STK40: variants seen among roughly 807,000 people sequenced by gnomAD.
STK40 encodes the protein serine/threonine-protein kinase 40.
In STK40, 13 loss-of-function variants were observed where a neutral mutation model predicts 47.9. That is an observed-to-expected ratio of 0.27 (90% confidence interval 0.18 to 0.43). The LOEUF (loss-of-function observed/expected upper bound fraction) is 0.43. STK40 is among the 20% of genes least tolerant of loss of function. The pLI is 1.00. For missense variants in STK40, 460 were observed against 595.1 expected (o/e 0.77, Z 2.36); for synonymous variants, 225 against 243.2 (o/e 0.93, Z 0.69).
At chr1:36,347,208 C>A (rs552942687) in intron 7 of STK40, among the ~76,000 whole-genome samples, 16 of 152,114 alleles carry the variant, frequency 1.1e-4, no homozygotes, top group African/African-American at 3.6e-4. Flanking sequence ...AGAGCTGGGA[C>A]GAGGCTGGCT....
intron 1 of STK40, among the ~76,000 whole-genome samples, chr1:36,377,532 CAAAAAAAAAAA>C (rs746089027): frequency 5.6e-5 from 2 of 35,502 alleles, no homozygotes; most frequent in African/African-American, 8.1e-5. Flanking sequence ...GACTCCGTCT[CAAAAAAAAAAA>C]AAAAAAAAAA....
At position 36,341,343 on chromosome 1, in the gene STK40, T is replaced by A; in HGVS notation, c.*412A>T. ...AGGAGGGGAAGCTCGCTCTGGGGCCTGCAGCGAGCTGCACTTTCAGCTTAT... is the reference window on the plus strand; with the variant it reads ...AGGAGGGGAAGCTCGCTCTGGGGCCAGCAGCGAGCTGCACTTTCAGCTTAT... On this transcript the variant is annotated 3_prime_UTR_variant, in exon 11 of 11. Coordinates refer to ENST00000373132, the MANE Select transcript of STK40 (RefSeq NM_001282547.2). The A allele has an allele frequency of 5.8e-6, 1 of 172,950 alleles. No individual in the cohort carries two copies. Among genetic ancestry groups the A allele is most frequent in the Non-Finnish European group, 1.3e-5 (1 of 79,700 alleles). 10.7% of individuals were successfully genotyped at this position (172,950 alleles called of 1,614,324 possible).
rs1157090486 is a variant in STK40 at position 36,341,651 on chromosome 1, G to A, written c.*104C>T. ...TCCCTGTCCCTGCCCTGTCCCTATT[G>A]TGGCCCGGGAGAGTCCAGCACTACA... On this transcript the variant is annotated 3_prime_UTR_variant, in exon 11 of 11. Transcript: ENST00000373132. 2 of 1,405,224 alleles carry A rather than the reference G, an allele frequency of 1.4e-6. No individual in the cohort carries two copies. Among genetic ancestry groups the A allele is most frequent in the Admixed American group, 1.9e-5 (1 of 51,950 alleles). The allele number at this position is 1,405,224 out of a possible 1,614,324, so 87.0% of individuals were successfully genotyped here.
chr1:36,371,916 T>C (rs1646951848), intron 1 of STK40, among the ~76,000 whole-genome samples: 1 of 148,322 alleles, frequency 6.7e-6, no homozygotes, highest in Non-Finnish European at 1.5e-5. Context: ...GAGAATTGCT[T>C]GAACCTGGAG....
chr1:36,359,577 C>T (rs114786246), intron 2 of STK40, among the ~76,000 whole-genome samples: 1,753 of 152,348 alleles, frequency 0.012, 33 homozygotes, highest in African/African-American at 0.04. Context: ...ATGCACAGTG[C>T]TCACTGTCCC....
At chr1:36,361,938 G>C (rs1011706426) in intron 1 of STK40, among the ~76,000 whole-genome samples, 1 of 152,032 alleles carries the variant, frequency 6.6e-6, no homozygotes, top group Non-Finnish European at 1.5e-5. Context: ...TTGACTCTCT[G>C]GTCCTCTCAG....
chr1:36,376,533 A>G (rs1222037262), intron 1 of STK40, among the ~76,000 whole-genome samples: 1 of 152,230 alleles, frequency 6.6e-6, no homozygotes, highest in Non-Finnish European at 1.5e-5. Flanking sequence ...AGCAGCAAAA[A>G]ACAAAACCAT....
intron 6 of STK40, among the ~76,000 whole-genome samples, chr1:36,349,817 G>A (rs1201405775): frequency 6.6e-6 from 1 of 152,188 alleles, no homozygotes; most frequent in Non-Finnish European, 1.5e-5. Flanking sequence ...AGGTTTCCTG[G>A]CCCACTGGGG....
chr1:36,376,175 C>T (rs966051397), intron 1 of STK40, among the ~76,000 whole-genome samples: 3 of 152,190 alleles, frequency 2.0e-5, no homozygotes, highest in Non-Finnish European at 4.4e-5. Context: ...TTCAGAGTGC[C>T]CCTCTGTTGG....
At chr1:36,350,871 A>G (rs1646746235) in intron 6 of STK40, among the ~76,000 whole-genome samples, 1 of 152,138 alleles carries the variant, frequency 6.6e-6, no homozygotes, top group Non-Finnish European at 1.5e-5. Flanking sequence ...CGGCAGGCGC[A>G]CTGGAGTCTC....
In STK40 at chr1:36,343,944, A is replaced by G; in HGVS notation, c.920T>C (p.Ile307Thr). 7.5e-6 allele frequency: 12 copies of G among 1,608,524 alleles called. No homozygotes were observed. Among genetic ancestry groups the G allele is most frequent in the Non-Finnish European group, 1.0e-5 (12 of 1,176,082 alleles). Residue 307 changes from isoleucine (I) to threonine (T), a missense_variant, in exon 9 of 11, where the codon ATC becomes ACC. Coordinates refer to ENST00000373132, the MANE Select transcript of STK40 (RefSeq NM_001282547.2). ...GRVSENTVCLIRKLLVLDPQQ... is the reference protein window; with the variant it reads ...GRVSENTVCLTRKLLVLDPQQ... ...GGGGTCAAGGACCAGCAGCTTCCGG[A>G]TGAGACACACGGTGTTCTCAGAAAC... is the stretch of plus-strand genomic sequence containing the variant.
chr1:36,372,526 A>C (rs1646958529), intron 1 of STK40: 1 of 151,858 alleles, frequency 6.6e-6, no homozygotes, highest in Non-Finnish European at 1.5e-5. Flanking sequence ...AAGAGGTGGG[A>C]TATAAACACA....
At chr1:36,379,329 G>A (rs186254511) in intron 1 of STK40, among the ~76,000 whole-genome samples, 7 of 152,124 alleles carry the variant, frequency 4.6e-5, no homozygotes, top group Admixed American at 6.6e-5. Context: ...AAGTTCTGGG[G>A]AGCCTGAACT....
At chr1:36,364,337 G>C (rs960869338) in intron 1 of STK40, among the ~76,000 whole-genome samples, 1 of 152,188 alleles carries the variant, frequency 6.6e-6, no homozygotes, top group Non-Finnish European at 1.5e-5. Flanking sequence ...GCTGCTTCCA[G>C]GATGGCTGTG....
chr1:36,384,514 C>T (rs1647068706), intron 1 of STK40, among the ~76,000 whole-genome samples: 1 of 152,146 alleles, frequency 6.6e-6, no homozygotes, highest in Non-Finnish European at 1.5e-5. Flanking sequence ...TGTTATCATC[C>T]TTGTTTTATA....
intron 1 of STK40, among the ~76,000 whole-genome samples, chr1:36,364,883 A>G (rs1292406179): frequency 6.6e-6 from 1 of 151,566 alleles, no homozygotes; most frequent in Non-Finnish European, 1.5e-5. Flanking sequence ...CTTTTCCTTT[A>G]GTTTGTTTTT....
At chr1:36,369,966 GCTGGAGT>G in intron 1 of STK40, among the ~76,000 whole-genome samples, 1 of 152,362 alleles carries the variant, frequency 6.6e-6, no homozygotes, top group Non-Finnish European at 1.5e-5. Context: ...GGGGCCAGTG[GCTGGAGT>G]GGGACCCTGA....
At chr1:36,345,991 A>ATATATATATATATTTTTTTTT in intron 7 of STK40, among the ~76,000 whole-genome samples, 1 of 26,466 alleles carries the variant, frequency 3.8e-5, no homozygotes, top group African/African-American at 1.4e-4. Flanking sequence ...ATATATATAT[A>ATATATATATATATTTTTTTTT]TTTTTTTTTT....
intron 10 of STK40, chr1:36,342,389 C>G: frequency 4.0e-6 from 1 of 249,574 alleles, no homozygotes; most frequent in Non-Finnish European, 8.1e-6. Context: ...GGGCCCCATG[C>G]TGAGCTCCCT....
Sources: allele counts gnomAD v4.1 joint callset (sites outside exome capture counted in the v4.1 genomes callset), GRCh38; gene constraint gnomAD v4.1.1; transcripts MANE v1.5; gene names NCBI Gene and HGNC (gene_info 2026-07-23, HGNC 2026-07-21).